The following ADAMTS20 variants were observed in gnomAD, a reference collection of about 807,000 sequenced individuals.
ADAMTS20 encodes ADAM metallopeptidase with thrombospondin type 1 motif 20.
A neutral mutation model predicts 260.1 loss-of-function variants in ADAMTS20; 225 were observed. The ratio of observed to expected loss-of-function variants is 0.87; its 90% CI spans 0.78 to 0.97. The LOEUF is 0.97. ADAMTS20 is among the 50% of genes least tolerant of loss of function. The pLI is 0.00. For synonymous variants in ADAMTS20, 802 were observed against 769.5 expected (o/e 1.04, Z -0.70); for missense variants, 2,400 against 2,337.7 (o/e 1.03, Z -0.55).
At chr12:43,461,916 A>G (rs1942072383) in intron 11 of ADAMTS20, among the ~76,000 whole-genome samples, 1 of 152,224 alleles carries the variant, frequency 6.6e-6, no homozygotes, top group African/African-American at 2.4e-5. Flanking sequence ...CAAAAAGGTT[A>G]TTAGTGTGTT....
At chr12:43,440,351 G>T (rs1941640093) in intron 16 of ADAMTS20, among the ~76,000 whole-genome samples, 2 of 152,106 alleles carry the variant, frequency 1.3e-5, no homozygotes, top group African/African-American at 2.4e-5. Context: ...GTTTTGCCAT[G>T]TTGGCCAGGC....
chr12:43,451,965 C>CT (rs1941871733), intron 14 of ADAMTS20, among the ~76,000 whole-genome samples: 1 of 152,084 alleles, frequency 6.6e-6, no homozygotes, highest in Admixed American at 6.6e-5. Flanking sequence ...TCCTTACAAT[C>CT]CTTTTATCTT....
At chr12:43,493,348 GC>G (rs1200675057) in intron 4 of ADAMTS20, 95 bp from the exon 5 acceptor site, 2 of 834,144 alleles carry the variant, frequency 2.4e-6, no homozygotes, top group African/African-American at 3.4e-5. Flanking sequence ...TTCTCTAATT[GC>G]ACTGCACGTA....
chr12:43,366,031 T>C (rs1328349195), intron 37 of ADAMTS20, among the ~76,000 whole-genome samples: 1 of 151,382 alleles, frequency 6.6e-6, no homozygotes, highest in Non-Finnish European at 1.5e-5. Context: ...CAGATGTAAA[T>C]CCAGACATAG....
rs1406966654 is a variant in ADAMTS20 at position 43,492,495 on chromosome 12, A to G, written c.1076+10T>C. On this transcript the variant is annotated intron_variant, in intron 6 of 38. Transcript: ENST00000389420. ...GGATTGTATGGGAAGGGTTATTTCT[A>G]TAATCATACCTAGTGATAAGAACAG... 4 of 1,613,342 alleles carry G rather than the reference A, an allele frequency of 2.5e-6. No individual in the cohort carries two copies. The highest frequency in any genetic ancestry group is 1.7e-6 in the Non-Finnish European group (2 of 1,179,452).
chr12:43,424,025 A>G, intron 28 of ADAMTS20: 1 of 618,338 alleles, frequency 1.6e-6, no homozygotes. Context: ...TCTTCAAATA[A>G]CATGACTTGA....
chr12:43,405,227 T>TAAAAAAAAAAAAAAAA (rs1565683116), intron 28 of ADAMTS20, among the ~76,000 whole-genome samples: 1 of 11,542 alleles, frequency 8.7e-5, no homozygotes, highest in African/African-American at 2.4e-4. Flanking sequence ...ACCTCATCTC[T>TAAAAAAAAAAAAAAAA]ACAAAAAAAA....
intron 11 of ADAMTS20, among the ~76,000 whole-genome samples, chr12:43,457,537 T>C (rs560752910): frequency 6.6e-6 from 1 of 152,324 alleles, no homozygotes; most frequent in East Asian, 1.9e-4. Flanking sequence ...ATTTCAAGCA[T>C]AGCATATCCA....
At chr12:43,481,109 T>A (rs968964361) in intron 7 of ADAMTS20, among the ~76,000 whole-genome samples, 1 of 152,128 alleles carries the variant, frequency 6.6e-6, no homozygotes, top group Admixed American at 6.5e-5. Flanking sequence ...ATATTAATTT[T>A]AAAATTCTAT....
rs144884808 is a variant in ADAMTS20, at chr12:43,537,117, C to T, written c.454-4922G>A. Among the ~76,000 whole-genome samples the T allele has an allele frequency of 3.3e-3, 505 of 151,940 alleles. 7 individuals carry two copies. The highest frequency in any genetic ancestry group is 0.012 in the African/African-American group (495 of 41,416). On this transcript the variant is annotated intron_variant, in intron 2 of 38. Transcript: ENST00000389420. ...TGTATTTATTTATTGTTACCAAGGC[C>T]GGAGTGCAGTGGCATGATCTCAGCT...
intron 38 of ADAMTS20, among the ~76,000 whole-genome samples, chr12:43,355,678 G>A (rs1022010730): frequency 6.6e-6 from 1 of 152,122 alleles, no homozygotes; most frequent in Non-Finnish European, 1.5e-5. Flanking sequence ...ATATAGGTGA[G>A]AACACCTATA....
At chr12:43,493,276 A>G (rs17525003) in intron 4 of ADAMTS20, 23 bp from the exon 5 acceptor site, 15,276 of 1,471,074 alleles carry the variant, frequency 0.01, 105 homozygotes, top group Admixed American at 0.013. Flanking sequence ...AAAATGTAGG[A>G]TTAGTTGTTT....
intron 3 of ADAMTS20, among the ~76,000 whole-genome samples, chr12:43,520,965 CTG>C (rs1943063985): frequency 6.6e-6 from 1 of 152,174 alleles, no homozygotes; most frequent in Non-Finnish European, 1.5e-5. Flanking sequence ...TACAAAAGAT[CTG>C]GTAATACTGG....
chr12:43,358,654 C>T (rs1429340738), intron 37 of ADAMTS20, among the ~76,000 whole-genome samples: 1 of 151,230 alleles, frequency 6.6e-6, no homozygotes, highest in African/African-American at 2.4e-5. Context: ...CTGGCTAACA[C>T]GGTGAAACCC....
At chr12:43,405,229 CAAAAAAAAAAAAAAAAAA>C (rs869040570) in intron 28 of ADAMTS20, among the ~76,000 whole-genome samples, 4 of 52,790 alleles carry the variant, frequency 7.6e-5, no homozygotes, top group East Asian at 9.9e-4. Context: ...CTCATCTCTA[CAAAAAAAAAAAAAAAAAA>C]AAAAAAAAAA....
At chr12:43,468,151 A>T (rs1487590964) in intron 8 of ADAMTS20, among the ~76,000 whole-genome samples, 1 of 152,216 alleles carries the variant, frequency 6.6e-6, no homozygotes, top group African/African-American at 2.4e-5. Context: ...AAAATCTTTT[A>T]GTAACTAAGA....
intron 2 of ADAMTS20, among the ~76,000 whole-genome samples, chr12:43,535,764 C>T (rs1425489809): frequency 6.6e-6 from 1 of 151,952 alleles, no homozygotes; most frequent in Non-Finnish European, 1.5e-5. Context: ...ATTTTAGGTG[C>T]ATTGAGATTC....
At chr12:43,403,271 G>A (rs1022682711) in intron 28 of ADAMTS20, among the ~76,000 whole-genome samples, 1 of 152,108 alleles carries the variant, frequency 6.6e-6, no homozygotes, top group Admixed American at 6.6e-5. Context: ...AAGAATGAAT[G>A]TATTGACTTA....
intron 3 of ADAMTS20, among the ~76,000 whole-genome samples, chr12:43,519,002 T>C (rs1297475303): frequency 6.6e-6 from 1 of 152,164 alleles, no homozygotes; most frequent in South Asian, 2.1e-4. Context: ...TATACTGCAG[T>C]ACCTCCTAAT....
Sources: gnomAD v4.1 joint callset for allele counts (sites outside exome capture counted in the v4.1 genomes callset) on GRCh38, gnomAD v4.1.1 for gene constraint, MANE v1.5 for transcripts, NCBI Gene and HGNC (gene_info 2026-07-23, HGNC 2026-07-21) for gene names.